The following PPP2R2B variants were observed in gnomAD, a reference collection of about 807,000 sequenced individuals.
The protein encoded by PPP2R2B is serine/threonine-protein phosphatase 2A 55 kDa regulatory subunit B beta isoform.
A neutral mutation model predicts 46.0 loss-of-function variants in PPP2R2B; 5 were observed. That is an observed-to-expected ratio of 0.11 (90% CI 0.06 to 0.23). The LOEUF (loss-of-function observed/expected upper bound fraction) is 0.23, where lower values mean the gene tolerates loss of function less well. PPP2R2B is among the 10% of genes least tolerant of loss of function. PPP2R2B has a pLI of 1.00. For missense variants in PPP2R2B, 367 were observed against 575.0 expected (o/e 0.64, Z 3.70); for synonymous variants, 215 against 206.7 (o/e 1.04, Z -0.34).
chr5:146,890,201 G>T (rs1762452643), intron 1 of PPP2R2B, among the ~76,000 whole-genome samples: 1 of 152,238 alleles, frequency 6.6e-6, no homozygotes, highest in Admixed American at 6.5e-5. Flanking sequence ...ACCAGGGCCA[G>T]CCCTGGACAA....
At chr5:147,004,587 T>C (rs1186244594) in intron 1 of PPP2R2B, among the ~76,000 whole-genome samples, 6 of 152,198 alleles carry the variant, frequency 3.9e-5, no homozygotes, top group African/African-American at 1.4e-4. Context: ...CATGCCTTTC[T>C]TGTTATGCCT....
chr5:146,580,873 A>T lies in PPP2R2B; in HGVS notation c.*9074T>A, dbSNP rs1429902799. On this transcript the variant is annotated 3_prime_UTR_variant, in exon 10 of 10. Transcript: ENST00000394411. Reference sequence around the variant, plus strand: ...TTGAGAACAATGGAGTTAATGAATCAACCCCGTGCTGGTCAAAGTGAAGAG... The same window carrying T: ...TTGAGAACAATGGAGTTAATGAATCTACCCCGTGCTGGTCAAAGTGAAGAG... Among the ~76,000 whole-genome samples the T allele has an allele frequency of 6.6e-6, 1 of 152,166 alleles. No individual in the cohort carries two copies. Among genetic ancestry groups the T allele is most frequent in the Non-Finnish European group, 1.5e-5 (1 of 68,016 alleles).
chr5:146,669,914 A>G (rs1230415213), intron 5 of PPP2R2B, among the ~76,000 whole-genome samples: 1 of 152,212 alleles, frequency 6.6e-6, no homozygotes, highest in African/African-American at 2.4e-5. Context: ...TATAAAGAAG[A>G]TTTATGGATT....
chr5:146,638,237 C>T lies in PPP2R2B; in HGVS notation c.790+14G>A. On this transcript the variant is annotated intron_variant, in intron 7 of 9. Coordinates refer to ENST00000394411, the MANE Select transcript of PPP2R2B (RefSeq NM_181675.4). ...AGTGGCCATGCCCCCCACCTCCCTT[C>T]AGTTGCTACTCACATTTGGTGTGCC... is the stretch of plus-strand genomic sequence containing the variant. 1 of 1,610,602 alleles carries T rather than the reference C, an allele frequency of 6.2e-7. No homozygotes were observed. The highest frequency in any genetic ancestry group is 8.5e-7 in the Non-Finnish European group (1 of 1,177,654).
intron 1 of PPP2R2B, among the ~76,000 whole-genome samples, chr5:147,025,921 G>A (rs1177429377): frequency 2.0e-5 from 3 of 151,974 alleles, no homozygotes; most frequent in Admixed American, 6.6e-5. Context: ...AATTCAAACT[G>A]CAGTAAAATA....
intron 7 of PPP2R2B, among the ~76,000 whole-genome samples, chr5:146,624,768 G>A (rs1396244887): frequency 2.0e-5 from 3 of 152,188 alleles, no homozygotes; most frequent in East Asian, 3.8e-4. Context: ...TGTGAATGGG[G>A]GCTGTGTGGT....
rs1026163572 is a variant in PPP2R2B at position 146,924,407 on chromosome 5, T to C, written c.79+131258A>G. ...TAATGGTAGCTGCCTGAAGTTGAAG[T>C]AACAGCTTGGATCTGGTCTCTTGGA... On this transcript the variant is annotated intron_variant, in intron 1 of 8. Coordinates refer to the PPP2R2B transcript ENST00000336640. Among the ~76,000 whole-genome samples the C allele has an allele frequency of 3.3e-5, 5 of 152,288 alleles. No individual in the cohort carries two copies. In the East Asian group the frequency reaches 5.8e-4, roughly 18 times the overall value.
chr5:146,736,144 G>C (rs1330803476), intron 2 of PPP2R2B, among the ~76,000 whole-genome samples: 1 of 152,030 alleles, frequency 6.6e-6, no homozygotes, highest in Non-Finnish European at 1.5e-5. Context: ...CCCTTCACTG[G>C]GCACACATTA....
intron 1 of PPP2R2B, among the ~76,000 whole-genome samples, chr5:146,935,784 G>A (rs1466641782): frequency 6.6e-6 from 1 of 152,140 alleles, no homozygotes; most frequent in Non-Finnish European, 1.5e-5. Context: ...AACATGGCTA[G>A]AGGAGGGAGC....
At chr5:146,851,735 G>A (rs1760361065) in intron 2 of PPP2R2B, among the ~76,000 whole-genome samples, 1 of 152,066 alleles carries the variant, frequency 6.6e-6, no homozygotes, top group South Asian at 2.1e-4. Context: ...TCTATTGTCA[G>A]CTTTGATGCA....
At chr5:146,751,050 A>G (rs62375679) in intron 2 of PPP2R2B, among the ~76,000 whole-genome samples, 3 of 152,182 alleles carry the variant, frequency 2.0e-5, no homozygotes, top group Non-Finnish European at 4.4e-5. Flanking sequence ...TGGCTCCCCA[A>G]AGAAGTGGAT....
At chr5:147,063,105 A>T (rs1398454210) in intron 2 of PPP2R2B, among the ~76,000 whole-genome samples, 2 of 151,820 alleles carry the variant, frequency 1.3e-5, no homozygotes, top group African/African-American at 4.8e-5. Context: ...GGGAGATAGA[A>T]AAGAAAGACT....
At chr5:146,783,029 A>G (rs1219562137) in intron 2 of PPP2R2B, among the ~76,000 whole-genome samples, 1 of 152,194 alleles carries the variant, frequency 6.6e-6, no homozygotes, top group Non-Finnish European at 1.5e-5. Context: ...TCCCCCAAAT[A>G]TGAAAAAGTA....
chr5:146,714,453 T>A (rs1483511952), intron 2 of PPP2R2B, among the ~76,000 whole-genome samples: 1 of 152,034 alleles, frequency 6.6e-6, no homozygotes, highest in South Asian at 2.1e-4. Flanking sequence ...ACTTTCACAG[T>A]GTCATAGAAA....
intron 1 of PPP2R2B, among the ~76,000 whole-genome samples, chr5:147,043,069 A>G (rs919972291): frequency 6.6e-6 from 1 of 152,114 alleles, no homozygotes; most frequent in African/African-American, 2.4e-5. Context: ...GGATTGTGGA[A>G]CAATGATTTG....
rs1769999530 is a variant in PPP2R2B at position 146,583,560 on chromosome 5, C to T, written c.*6387G>A. On this transcript the variant is annotated 3_prime_UTR_variant, in exon 10 of 10. Coordinates refer to ENST00000394411, the MANE Select transcript of PPP2R2B (RefSeq NM_181675.4). ...GGTATCCTGGGCTCTTGACATTCCA[C>T]TGCCACCATTGCCTGTGAGTTTGTC... 6.6e-6 allele frequency: 1 copy of T among 152,178 alleles called. No individual in the cohort carries two copies. The highest frequency in any genetic ancestry group is 2.1e-4 in the South Asian group (1 of 4,820). The allele number at this position is 152,178 out of a possible 1,614,324, so 9.4% of individuals were successfully genotyped here. A position where few individuals can be genotyped will look rare whatever the true frequency, so the allele number is the denominator to read the frequency against.
At chr5:146,678,154 G>A (rs1777874887) in intron 5 of PPP2R2B, among the ~76,000 whole-genome samples, 1 of 152,058 alleles carries the variant, frequency 6.6e-6, no homozygotes, top group Non-Finnish European at 1.5e-5. Context: ...TAAAATACTG[G>A]CAAAACGAAT....
chr5:147,029,791 G>T (rs1222214489), intron 1 of PPP2R2B, among the ~76,000 whole-genome samples: 1 of 152,188 alleles, frequency 6.6e-6, no homozygotes, highest in Non-Finnish European at 1.5e-5. Flanking sequence ...GAAGCTGTCT[G>T]CAAGCCAAGA....
chr5:146,629,773 TCCTTTCC>T (rs1260854319), intron 7 of PPP2R2B, among the ~76,000 whole-genome samples: 29 of 147,134 alleles, frequency 2.0e-4, no homozygotes, highest in Admixed American at 4.7e-4. Flanking sequence ...TCCTTTTCTT[TCCTTTCC>T]CCTTTCCCCT....
Sources: gnomAD v4.1 joint callset for allele counts (sites outside exome capture counted in the v4.1 genomes callset) on GRCh38, gnomAD v4.1.1 for gene constraint, MANE v1.5 for transcripts, NCBI Gene and HGNC (gene_info 2026-07-23, HGNC 2026-07-21) for gene names.